Variants in MELK observed in about 807,000 individuals in gnomAD.
MELK encodes maternal embryonic leucine zipper kinase.
Under a neutral mutation model 85.0 loss-of-function variants are expected in MELK, and 81 were observed. That is an observed-to-expected ratio of 0.95 (90% CI 0.80 to 1.15). MELK has a LOEUF of 1.15. MELK is among the 50% of genes most tolerant of loss of function. MELK has a pLI of 0.00. For synonymous variants in MELK, 252 were observed against 265.0 expected, an observed-to-expected ratio of 0.95 and a Z score of 0.48; for missense variants, 754 against 777.5, an observed-to-expected ratio of 0.97 and a Z score of 0.36.
chr9:36,600,918 G>A (rs1432498015), intron 7 of MELK, among the ~76,000 whole-genome samples: 1 of 152,118 alleles, frequency 6.6e-6, no homozygotes, highest in East Asian at 1.9e-4. Context: ...TTACAAGATA[G>A]TGCAAGAATA....
intron 4 of MELK, among the ~76,000 whole-genome samples, chr9:36,591,000 G>T (rs902096783): frequency 6.6e-6 from 1 of 152,188 alleles, no homozygotes; most frequent in Admixed American, 6.5e-5. Context: ...GCTGAGGCGG[G>T]AGAATTGCTT....
intron 8 of MELK, among the ~76,000 whole-genome samples, chr9:36,621,047 A>T (rs1248832292): frequency 6.6e-6 from 1 of 151,594 alleles, no homozygotes; most frequent in Non-Finnish European, 1.5e-5. Context: ...GAGGTGGGCG[A>T]ATCACGAGGT....
chr9:36,655,017 A>C (rs566618826), intron 12 of MELK, among the ~76,000 whole-genome samples: 1 of 152,124 alleles, frequency 6.6e-6, no homozygotes, highest in Admixed American at 6.6e-5. Flanking sequence ...TGATCGATCA[A>C]TCAATCAATA....
At position 36,589,385 on chromosome 9, in the gene MELK, T is replaced by C. The variant is rs373720485; in HGVS notation, c.145-151T>C. The C allele has an allele frequency of 6.8e-6, 4 of 589,690 alleles. No homozygotes were observed. In the East Asian group the frequency reaches 8.8e-5, roughly 13 times the overall value. The allele number at this position is 589,690 out of a possible 1,614,324, so 36.5% of individuals were successfully genotyped here. ...GGATGGTCTCGATTTCCTGACCTCATGATCCGCCCGCCTCGGCCTCCCAAA... is the reference window on the plus strand; with the variant it reads ...GGATGGTCTCGATTTCCTGACCTCACGATCCGCCCGCCTCGGCCTCCCAAA... On this transcript the variant is annotated intron_variant, in intron 3 of 17. Coordinates refer to ENST00000298048, the MANE Select transcript of MELK (RefSeq NM_014791.4).
chr9:36,671,141 C>A lies in MELK; in HGVS notation c.1649C>A (p.Ala550Asp). The change falls in exon 16 of 18, where the codon GCC becomes GAC. Residue 550 changes from alanine to aspartate, a missense_variant. By Grantham distance (126) the Ala-to-Asp change is moderately radical. Coordinates refer to ENST00000298048, the MANE Select transcript of MELK (RefSeq NM_014791.4). ...VLTRSKRKGS[A>D]RDGPRRLKLH... ...ACCAGGAGCAAAAGGAAGGGTTCTG[C>A]CAGAGACGGGCCCAGAAGACTAAAG... 6.2e-7 allele frequency: 1 copy of A among 1,606,194 alleles called. No individual in the cohort carries two copies. Among genetic ancestry groups the A allele is most frequent in the East Asian group, 2.2e-5 (1 of 44,530 alleles).
At chr9:36,593,603 A>G (rs1412107992) in intron 4 of MELK, among the ~76,000 whole-genome samples, 2 of 152,210 alleles carry the variant, frequency 1.3e-5, no homozygotes, top group African/African-American at 4.8e-5. Context: ...GGACTAAGAC[A>G]GTTGTTTCTA....
chr9:36,613,741 CTG>C (rs1183217820), intron 8 of MELK, among the ~76,000 whole-genome samples: 1 of 152,050 alleles, frequency 6.6e-6, no homozygotes, highest in Non-Finnish European at 1.5e-5. Context: ...AGAGCAAAGA[CTG>C]GGAGGTAGGA....
chr9:36,677,134 C>T (rs1270751385), intron 17 of MELK, 26 bp from the exon 18 acceptor site: 6 of 1,600,878 alleles, frequency 3.7e-6, no homozygotes, highest in African/African-American at 1.3e-5. Context: ...CTCCTACTAA[C>T]TAGCTTCTTA....
At chr9:36,599,544 G>A in intron 7 of MELK, 58 bp downstream of exon 7, 3 of 1,319,594 alleles carry the variant, frequency 2.3e-6, no homozygotes, top group Non-Finnish European at 3.3e-6. Context: ...TTGGTCACCT[G>A]TAGTGAGTCA....
intron 5 of MELK, among the ~76,000 whole-genome samples, chr9:36,595,602 CTTGT>C (rs1788694243): frequency 9.5e-6 from 1 of 104,750 alleles, no homozygotes; most frequent in Non-Finnish European, 1.8e-5. Flanking sequence ...TTATAAATGT[CTTGT>C]TTTTTTTTTT....
intron 1 of MELK, among the ~76,000 whole-genome samples, chr9:36,577,213 G>A (rs1409987332): frequency 6.6e-6 from 1 of 152,076 alleles, no homozygotes; most frequent in Non-Finnish European, 1.5e-5. Flanking sequence ...ATCAGTTTGA[G>A]GCTTAAACAG....
chr9:36,624,170 A>C (rs576323553), intron 8 of MELK, among the ~76,000 whole-genome samples: 1 of 143,360 alleles, frequency 7.0e-6, no homozygotes, highest in East Asian at 2.0e-4. Context: ...TGTAACCTCC[A>C]CCTTCCGGGT....
At chr9:36,602,577 G>A (rs1276635029) in intron 7 of MELK, among the ~76,000 whole-genome samples, 1 of 51,600 alleles carries the variant, frequency 1.9e-5, no homozygotes, top group African/African-American at 6.4e-5. Context: ...TTTTTTTTTT[G>A]AGATGGAGTT....
chr9:36,586,266 C>T (rs1407621686), intron 3 of MELK, among the ~76,000 whole-genome samples: 2 of 151,290 alleles, frequency 1.3e-5, no homozygotes, highest in Non-Finnish European at 2.9e-5. Context: ...TCACTTGAGT[C>T]TGGGAGGTTG....
intron 10 of MELK, 24 bp from the exon 11 acceptor site, chr9:36,642,973 A>ATATTT: frequency 6.4e-7 from 1 of 1,562,130 alleles, no homozygotes; most frequent in Non-Finnish European, 8.7e-7. Flanking sequence ...TTTTGTTAAT[A>ATATTT]AAGTGCATAA....
intron 2 of MELK, among the ~76,000 whole-genome samples, chr9:36,582,220 G>A (rs1219625509): frequency 6.6e-6 from 1 of 151,754 alleles, no homozygotes; most frequent in Non-Finnish European, 1.5e-5. Context: ...CACCCGCCTC[G>A]GCCTCCCAAA....
At chr9:36,650,546 T>C (rs1587566802) in intron 11 of MELK, among the ~76,000 whole-genome samples, 1 of 152,330 alleles carries the variant, frequency 6.6e-6, no homozygotes, top group South Asian at 2.1e-4. Context: ...ACTGCGAAGA[T>C]TATTATCAAC....
chr9:36,646,773 A>C (rs1564201681), intron 11 of MELK, among the ~76,000 whole-genome samples: 1 of 152,212 alleles, frequency 6.6e-6, no homozygotes, highest in Non-Finnish European at 1.5e-5. Flanking sequence ...GGTCAGAGGA[A>C]GGGTAGGGGC....
chr9:36,662,948 A>G (rs559954401), intron 13 of MELK, among the ~76,000 whole-genome samples: 2 of 152,108 alleles, frequency 1.3e-5, no homozygotes, highest in African/African-American at 4.8e-5. Context: ...GTAAATAGAG[A>G]TGTGGATTTC....
Sources: allele counts gnomAD v4.1 joint callset (sites outside exome capture counted in the v4.1 genomes callset), GRCh38; gene constraint gnomAD v4.1.1; transcripts MANE v1.5; gene names NCBI Gene and HGNC (gene_info 2026-07-23, HGNC 2026-07-21).